RFTN1: variants seen among roughly 807,000 people sequenced by gnomAD.
The protein encoded by RFTN1 is raftlin, lipid raft linker 1.
RFTN1 carries 26 observed loss-of-function variants against 46.5 expected under a neutral mutation model. That is an observed-to-expected ratio of 0.56 (90% CI 0.41 to 0.78). RFTN1 has a LOEUF of 0.78. Ranked by LOEUF, RFTN1 falls within the 30% of genes least tolerant of loss-of-function variation. RFTN1 has a pLI of 0.00. For missense variants in RFTN1, 693 were observed against 718.7 expected, an observed-to-expected ratio of 0.96 and a Z score of 0.41; for synonymous variants, 261 against 284.2, an observed-to-expected ratio of 0.92 and a Z score of 0.82.
chr3:16,445,439 G>C, intron 2 of RFTN1, among the ~76,000 whole-genome samples: 1 of 146,314 alleles, frequency 6.8e-6, no homozygotes, highest in African/African-American at 2.5e-5. Context: ...CTCTCTCTCT[G>C]TCTGTTGCCA....
rs2070893027 is a variant in RFTN1 at position 16,336,789 on chromosome 3, T to C, written c.1147-9913A>G. On this transcript the variant is annotated intron_variant, in intron 7 of 9. Coordinates refer to ENST00000334133, the MANE Select transcript of RFTN1 (RefSeq NM_015150.2). This position sits in a 1 kb window ranked among gnomAD's most constrained non-coding sequence, Gnocchi z 6.0. ...CCCAGTGCTGGTGAATTCACATCTT[T>C]GTCTCATTTTCTCTACCAGGTAAGA... Among the ~76,000 whole-genome samples, 1 of 152,216 alleles carries C rather than the reference T, an allele frequency of 6.6e-6. No individual in the cohort carries two copies. The highest frequency in any genetic ancestry group is 1.9e-4 in the East Asian group (1 of 5,196).
chr3:16,377,985 C>T lies in RFTN1; in HGVS notation c.559G>A (p.Ala187Thr), dbSNP rs1448569067. 7 of 1,614,134 alleles carry T rather than the reference C, an allele frequency of 4.3e-6. No individual in the cohort carries two copies. The highest frequency in any genetic ancestry group is 3.3e-5 in the Admixed American group (2 of 60,006). Residue 187 changes from alanine (A) to threonine (T), a missense_variant, in exon 5 of 10, where the codon GCC becomes ACC. Physicochemically the swap from Ala to Thr is moderately conservative, Grantham distance 58. Transcript: ENST00000334133. ...PVSTANSTED[A>T]RDAKNARGDH... is the part of the protein sequence containing the mutation. ...CCACGTGCGTTTTTTGCATCTCTGG[C>T]ATCCTCGGTGCTGTTGGCAGTAGAC...
Position 16,433,364 on chromosome 3 carries a change from A to T in RFTN1, c.332+487T>A, listed in dbSNP as rs1262033961. ...ATAGCATTTTATTTAGGTGGTGTTT[A>T]TTTTTTGTATTTTTTTAACTGTCAA... On this transcript the variant is annotated intron_variant, in intron 3 of 9. Transcript: ENST00000334133. This position sits in a 1 kb window ranked among gnomAD's most constrained non-coding sequence, Gnocchi z 4.4. 2.0e-5 allele frequency among the ~76,000 whole-genome samples: 3 copies of T among 152,108 alleles called. No individual in the cohort carries two copies. The highest frequency in any genetic ancestry group is 2.0e-4 in the Admixed American group (3 of 15,270).
intron 6 of RFTN1, among the ~76,000 whole-genome samples, chr3:16,362,356 G>T (rs997142115): frequency 6.6e-6 from 1 of 152,118 alleles, no homozygotes; most frequent in African/African-American, 2.4e-5. Flanking sequence ...TTATTCCATG[G>T]CCTCCTAAGA....
Position 16,322,048 on chromosome 3 carries a change from C to T in RFTN1, c.1332+1328G>A, listed in dbSNP as rs2069121774. ...GGTGTCTGTCAGCATCTGACAGGGG[C>T]CCTTTGCGTGCTGTGTGTTGAATGT... On this transcript the variant is annotated intron_variant, in intron 9 of 9. Coordinates refer to ENST00000334133, the MANE Select transcript of RFTN1 (RefSeq NM_015150.2). The surrounding 1 kb of genome is among the most constrained non-coding windows in gnomAD (Gnocchi z 6.2). Among the ~76,000 whole-genome samples the T allele has an allele frequency of 6.6e-6, 1 of 152,184 alleles. No homozygotes were observed. The highest frequency in any genetic ancestry group is 1.5e-5 in the Non-Finnish European group (1 of 68,032).
chr3:16,397,506 G>A (rs1308645871), intron 4 of RFTN1, among the ~76,000 whole-genome samples: 1 of 152,086 alleles, frequency 6.6e-6, no homozygotes, highest in Non-Finnish European at 1.5e-5. Flanking sequence ...CCGCAAAAAT[G>A]GTAACTATGC....
In RFTN1 at chr3:16,410,588, T is replaced by C. The variant is rs918417658; in HGVS notation, c.333-1105A>G. 6.6e-6 allele frequency among the ~76,000 whole-genome samples: 1 copy of C among 152,100 alleles called. No individual in the cohort carries two copies. The highest frequency in any genetic ancestry group is 2.4e-5 in the African/African-American group (1 of 41,388). On this transcript the variant is annotated intron_variant, in intron 3 of 9. Coordinates refer to ENST00000334133, the MANE Select transcript of RFTN1 (RefSeq NM_015150.2). The surrounding 1 kb of genome is among the most constrained non-coding windows in gnomAD (Gnocchi z 4.6). ...GCAATCTGGCAAAATCTATGGAAAT[T>C]AAAGATGCATTAAAGAAAGACTACT...
intron 4 of RFTN1, among the ~76,000 whole-genome samples, chr3:16,403,450 C>T (rs913436844): frequency 9.4e-5 from 14 of 148,238 alleles, no homozygotes; most frequent in South Asian, 2.1e-4. Flanking sequence ...TAAGGTTTGC[C>T]TAACGCATGA....
rs148483083 is a variant in RFTN1, at chr3:16,504,493, G to A, written c.-9+8949C>T. Among the ~76,000 whole-genome samples the A allele has an allele frequency of 1.1e-3, 163 of 152,316 alleles. No individual in the cohort carries two copies. Among genetic ancestry groups the A allele is most frequent in the Admixed American group, 2.4e-3 (36 of 15,302 alleles). On this transcript the variant is annotated intron_variant, in intron 1 of 9. Coordinates refer to ENST00000334133, the MANE Select transcript of RFTN1 (RefSeq NM_015150.2). This position sits in a 1 kb window ranked among gnomAD's most constrained non-coding sequence, Gnocchi z 4.4. ...GAAGTGCCTCAAGCTAGTAGTTAGCGTGGTATCTGACAGATGTTAAGTATT... is the reference window on the plus strand; with the variant it reads ...GAAGTGCCTCAAGCTAGTAGTTAGCATGGTATCTGACAGATGTTAAGTATT...
rs181276500 is a variant in RFTN1, at chr3:16,403,028, C to T, written c.441+6347G>A. 5.6e-3 allele frequency among the ~76,000 whole-genome samples: 860 copies of T among 152,244 alleles called. 16 individuals carry two copies. The highest frequency in any genetic ancestry group is 4.3e-3 in the Non-Finnish European group (291 of 68,024). On this transcript the variant is annotated intron_variant, in intron 4 of 9. Transcript: ENST00000334133. ...AAGGGCAGGGAGCGTGGCTTTCTCC[C>T]GCAGGCAGGACGAGGCAATTTCCAT...
chr3:16,378,660 G>A (rs2073875072), intron 4 of RFTN1, among the ~76,000 whole-genome samples: 1 of 152,152 alleles, frequency 6.6e-6, no homozygotes, highest in Non-Finnish European at 1.5e-5. Context: ...AAGGCTGTGG[G>A]CAAATCCTCC....
chr3:16,437,578 T>C (rs956042852), intron 2 of RFTN1, among the ~76,000 whole-genome samples: 3 of 152,082 alleles, frequency 2.0e-5, no homozygotes, highest in Admixed American at 2.0e-4. Flanking sequence ...GAGGATCACT[T>C]GAGCCCAGAG....
At chr3:16,367,036 A>C (rs1225064310) in intron 6 of RFTN1, among the ~76,000 whole-genome samples, 1 of 152,234 alleles carries the variant, frequency 6.6e-6, no homozygotes, top group Non-Finnish European at 1.5e-5. Context: ...CAAGAACAGA[A>C]GCTCTGGAGT....
chr3:16,504,378 C>T lies in RFTN1; in HGVS notation c.-9+9064G>A, dbSNP rs113255700. Reference sequence around the variant, plus strand: ...ACCACCACCCTCATTTTCAGTTCCACACTGATTTTCTTAGCAACTACCCAA... The same window carrying T: ...ACCACCACCCTCATTTTCAGTTCCATACTGATTTTCTTAGCAACTACCCAA... On this transcript the variant is annotated intron_variant, in intron 1 of 9. Coordinates refer to ENST00000334133, the MANE Select transcript of RFTN1 (RefSeq NM_015150.2). This position sits in a 1 kb window ranked among gnomAD's most constrained non-coding sequence, Gnocchi z 4.4. Among the ~76,000 whole-genome samples, 13 of 152,336 alleles carry T rather than the reference C, an allele frequency of 8.5e-5. No homozygotes were observed. The highest frequency in any genetic ancestry group is 3.1e-4 in the African/African-American group (13 of 41,564).
At position 16,407,994 on chromosome 3, in the gene RFTN1, G is replaced by A. The variant is rs1402983717; in HGVS notation, c.441+1381C>T. ...ATGTTGAAGGGAGGGTGGCAGCAAG[G>A]AAACAAATCTCCTTTAAAGGGACAG... On this transcript the variant is annotated intron_variant, in intron 4 of 9. Coordinates refer to ENST00000334133, the MANE Select transcript of RFTN1 (RefSeq NM_015150.2). The surrounding 1 kb of genome is among the most constrained non-coding windows in gnomAD (Gnocchi z 4.0). Among the ~76,000 whole-genome samples the A allele has an allele frequency of 6.6e-6, 1 of 152,126 alleles. No homozygotes were observed. The highest frequency in any genetic ancestry group is 1.5e-5 in the Non-Finnish European group (1 of 68,028).
At chr3:16,393,845 T>C (rs1559319516) in intron 4 of RFTN1, among the ~76,000 whole-genome samples, 4 of 151,922 alleles carry the variant, frequency 2.6e-5, no homozygotes, top group Admixed American at 2.6e-4. Flanking sequence ...ATTTTTAGTA[T>C]AGACGGGGTT....
intron 4 of RFTN1, among the ~76,000 whole-genome samples, 187 bp from the exon 5 acceptor site, chr3:16,378,289 G>GT (rs1013412880): frequency 1.3e-5 from 2 of 152,224 alleles, no homozygotes; most frequent in African/African-American, 4.8e-5. Flanking sequence ...GAAGAAGACA[G>GT]TTTTTTTAAT....
Position 16,327,678 on chromosome 3 carries a change from G to A in RFTN1, c.1147-802C>T, listed in dbSNP as rs1207646151. Among the ~76,000 whole-genome samples, 2 of 151,920 alleles carry A rather than the reference G, an allele frequency of 1.3e-5. No homozygotes were observed. Among genetic ancestry groups the A allele is most frequent in the East Asian group, 1.9e-4 (1 of 5,178 alleles). On this transcript the variant is annotated intron_variant, in intron 7 of 9. Transcript: ENST00000334133. The surrounding 1 kb of genome is among the most constrained non-coding windows in gnomAD (Gnocchi z 4.2). ...CGGGAGGCTGAGGCAGGAGAATGGC[G>A]TGAACCCGGGAGGTGGAGCTTGCAG...
At chr3:16,398,474 A>C (rs1290826445) in intron 4 of RFTN1, among the ~76,000 whole-genome samples, 1 of 152,144 alleles carries the variant, frequency 6.6e-6, no homozygotes, top group Non-Finnish European at 1.5e-5. Flanking sequence ...GTCTGCTGTG[A>C]GCAAGAATGG....
Sources: allele counts gnomAD v4.1 joint callset (sites outside exome capture counted in the v4.1 genomes callset), GRCh38; gene constraint gnomAD v4.1.1; non-coding constraint Gnocchi (gnomAD v3.1); transcripts MANE v1.5; gene names NCBI Gene and HGNC (gene_info 2026-07-23, HGNC 2026-07-21).